Variants in RASA3 observed in about 807,000 individuals in gnomAD.
The protein encoded by RASA3 is ras GTPase-activating protein 3.
A neutral mutation model predicts 110.0 loss-of-function variants in RASA3; 73 were observed. That is an observed-to-expected ratio of 0.66 (90% confidence interval 0.55 to 0.81). RASA3 has a LOEUF of 0.81. Among genes scored for constraint, RASA3 ranks in the 30% least tolerant of loss-of-function variants. The pLI is 0.00. For synonymous variants in RASA3, 500 were observed against 451.4 expected (o/e 1.11, Z -1.37); for missense variants, 976 against 1,113.2 (o/e 0.88, Z 1.75).
chr13:114,115,169 C>T lies in RASA3; in HGVS notation c.55+17266G>A, dbSNP rs556158788. On this transcript the variant is annotated intron_variant, in intron 1 of 23. Coordinates refer to ENST00000334062, the MANE Select transcript of RASA3 (RefSeq NM_007368.4). The surrounding 1 kb of genome is among the most constrained non-coding windows in gnomAD (Gnocchi z 5.0). ...TGGCCGTGTAAAAATACTTGGAACCCATGGGGGGCTTTGTGTGTGGTGTCA... is the reference window on the plus strand; with the variant it reads ...TGGCCGTGTAAAAATACTTGGAACCTATGGGGGGCTTTGTGTGTGGTGTCA... Among the ~76,000 whole-genome samples, 3 of 152,236 alleles carry T rather than the reference C, an allele frequency of 2.0e-5. No homozygotes were observed. Among genetic ancestry groups the T allele is most frequent in the Non-Finnish European group, 4.4e-5 (3 of 68,046 alleles).
intron 1 of RASA3, among the ~76,000 whole-genome samples, chr13:114,130,343 A>G (rs2080500777): frequency 6.6e-6 from 1 of 152,106 alleles, no homozygotes; most frequent in South Asian, 2.1e-4. Context: ...GGGCCTCTCT[A>G]CCCGTCCTCA....
chr13:114,019,774 CG>C (rs1251413637), intron 9 of RASA3, among the ~76,000 whole-genome samples: 2 of 146,212 alleles, frequency 1.4e-5, no homozygotes, highest in Non-Finnish European at 3.0e-5. Context: ...AGCCTGTGTC[CG>C]AGGCATTAGC....
chr13:114,030,017 C>A, intron 4 of RASA3, 130 bp from the exon 5 acceptor site: 1 of 760,318 alleles, frequency 1.3e-6, no homozygotes, highest in South Asian at 1.5e-5. Flanking sequence ...CCAATGGGCA[C>A]GTCCAGCCCC....
At position 114,115,183 on chromosome 13, in the gene RASA3, T is replaced by C. The variant is rs1205189142; in HGVS notation, c.55+17252A>G. Among the ~76,000 whole-genome samples the C allele has an allele frequency of 2.0e-5, 3 of 152,228 alleles. No individual in the cohort carries two copies. Among genetic ancestry groups the C allele is most frequent in the Non-Finnish European group, 4.4e-5 (3 of 68,044 alleles). Reference sequence around the variant, plus strand: ...TACTTGGAACCCATGGGGGGCTTTGTGTGTGGTGTCATCGGCAGCTTCCAT... The same window carrying C: ...TACTTGGAACCCATGGGGGGCTTTGCGTGTGGTGTCATCGGCAGCTTCCAT... On this transcript the variant is annotated intron_variant, in intron 1 of 23. Coordinates refer to ENST00000334062, the MANE Select transcript of RASA3 (RefSeq NM_007368.4). The surrounding 1 kb of genome is among the most constrained non-coding windows in gnomAD (Gnocchi z 5.0).
At chr13:114,089,406 G>A (rs375137497) in intron 1 of RASA3, among the ~76,000 whole-genome samples, 126 of 151,926 alleles carry the variant, frequency 8.3e-4, no homozygotes, top group African/African-American at 3.0e-3. Flanking sequence ...ATCTTCCCTG[G>A]CATGGAGGGC....
chr13:114,078,757 G>A (rs1261409564), intron 1 of RASA3, among the ~76,000 whole-genome samples: 1 of 152,262 alleles, frequency 6.6e-6, no homozygotes, highest in Non-Finnish European at 1.5e-5. Context: ...TCTGGGCCAT[G>A]GAGGGAAGCT....
At chr13:114,058,115 G>A (rs1340499053) in intron 2 of RASA3, among the ~76,000 whole-genome samples, 4 of 152,172 alleles carry the variant, frequency 2.6e-5, no homozygotes, top group East Asian at 3.9e-4. Flanking sequence ...CCACTCAGGG[G>A]TGTGAGGACA....
At chr13:114,009,786 G>A (rs2053593096) in intron 16 of RASA3, among the ~76,000 whole-genome samples, 1 of 152,232 alleles carries the variant, frequency 6.6e-6, no homozygotes, top group South Asian at 2.1e-4. Context: ...TTGGGGCCCA[G>A]ATGTGGCTGC....
chr13:114,068,073 G>C (rs1349585836), intron 2 of RASA3, among the ~76,000 whole-genome samples: 1 of 152,228 alleles, frequency 6.6e-6, no homozygotes, highest in Non-Finnish European at 1.5e-5. Context: ...TTTCGGAGCA[G>C]GAGTTCAGGC....
At chr13:114,040,326 C>T (rs1202828513) in intron 4 of RASA3, among the ~76,000 whole-genome samples, 2 of 139,894 alleles carry the variant, frequency 1.4e-5, no homozygotes, top group Admixed American at 7.1e-5. Context: ...CACAAGCGGG[C>T]GAACACGCAC....
At chr13:114,038,748 G>A (rs1360807135) in intron 4 of RASA3, among the ~76,000 whole-genome samples, 1 of 150,626 alleles carries the variant, frequency 6.6e-6, no homozygotes, top group Non-Finnish European at 1.5e-5. Flanking sequence ...GAGGGTTCCC[G>A]AGGGATGAGG....
intron 18 of RASA3, among the ~76,000 whole-genome samples, chr13:114,002,473 C>T (rs1168168773): frequency 2.0e-5 from 3 of 148,226 alleles, no homozygotes; most frequent in Non-Finnish European, 1.5e-5. Context: ...ATGCGCAGGG[C>T]GGGGCCTACA....
intron 18 of RASA3, among the ~76,000 whole-genome samples, chr13:114,001,448 GGGTGGGCAGTGGACA>G: frequency 7.3e-6 from 1 of 137,590 alleles, no homozygotes; most frequent in Non-Finnish European, 1.7e-5. Flanking sequence ...CTCGGGGTCA[GGGTGGGCAGTGGACA>G]CTCACGCAAC....
chr13:114,109,573 T>G lies in RASA3; in HGVS notation c.55+22862A>C, dbSNP rs548325067. Among the ~76,000 whole-genome samples, 54 of 152,300 alleles carry G rather than the reference T, an allele frequency of 3.5e-4. 1 individual carries two copies. The highest frequency in any genetic ancestry group is 1.2e-3 in the African/African-American group (51 of 41,570). On this transcript the variant is annotated intron_variant, in intron 1 of 23. Coordinates refer to ENST00000334062, the MANE Select transcript of RASA3 (RefSeq NM_007368.4). ...TCTAATCTTCCATACAGATCAGCCA[T>G]GAGGGCCGCGGAGAGGAGAAAAGCA...
chr13:114,087,531 G>A (rs989721239), intron 1 of RASA3, among the ~76,000 whole-genome samples: 117 of 152,354 alleles, frequency 7.7e-4, no homozygotes, highest in African/African-American at 2.6e-3. Flanking sequence ...GGGATTGCGG[G>A]GGCACCTGGG....
chr13:114,083,574 G>C (rs1036216023), intron 1 of RASA3, among the ~76,000 whole-genome samples: 2 of 146,410 alleles, frequency 1.4e-5, no homozygotes, highest in East Asian at 4.0e-4. Flanking sequence ...GGTGAGTCTG[G>C]AGTATCGACT....
At chr13:114,070,031 T>G (rs962479450) in intron 2 of RASA3, among the ~76,000 whole-genome samples, 219 of 6,450 alleles carry the variant, frequency 0.034, no homozygotes, top group Admixed American at 0.045. Context: ...GACTGGGGGG[T>G]GGGAGACTGG....
chr13:113,991,754 G>T (rs2053118972), intron 22 of RASA3, among the ~76,000 whole-genome samples: 1 of 152,246 alleles, frequency 6.6e-6, no homozygotes, highest in South Asian at 2.1e-4. Flanking sequence ...TTGCTTTACA[G>T]AATTAGATGG....
rs189292405 is a variant in RASA3 at position 114,129,042 on chromosome 13, G to A, written c.55+3393C>T. On this transcript the variant is annotated intron_variant, in intron 1 of 23. Coordinates refer to ENST00000334062, the MANE Select transcript of RASA3 (RefSeq NM_007368.4). ...AACAAGCAGTAAGTATTGTGGAAAC[G>A]GAAGACATCACTGCGAGGGGAGGAG... 2.7e-3 allele frequency among the ~76,000 whole-genome samples: 408 copies of A among 152,116 alleles called. 1 individual carries two copies. The highest frequency in any genetic ancestry group is 9.5e-3 in the African/African-American group (395 of 41,378).
Sources: gnomAD v4.1 joint callset for allele counts (sites outside exome capture counted in the v4.1 genomes callset) on GRCh38, gnomAD v4.1.1 for gene constraint, Gnocchi (gnomAD v3.1) non-coding constraint, MANE v1.5 for transcripts, NCBI Gene and HGNC (gene_info 2026-07-23, HGNC 2026-07-21) for gene names.